Variants in PLPPR1 observed in about 807,000 individuals in gnomAD.
PLPPR1 encodes the protein phospholipid phosphatase-related protein type 1.
PLPPR1 carries 10 observed loss-of-function variants against 33.1 expected under a neutral mutation model. The ratio of observed to expected loss-of-function variants is 0.30; its 90% CI spans 0.19 to 0.51. The LOEUF is 0.51. Ranked by LOEUF, PLPPR1 falls within the 20% of genes least tolerant of loss-of-function variation. The probability of loss-of-function intolerance (pLI) is 0.97; values close to 1 mark genes in which losing one functional copy is unlikely to be tolerated. For synonymous variants in PLPPR1, 151 were observed against 151.0 expected, an observed-to-expected ratio of 1.00 and a Z score of 0.00; for missense variants, 304 against 408.1, an observed-to-expected ratio of 0.74 and a Z score of 2.20.
At chr9:101,113,789 T>G (rs1284853291) in intron 1 of PLPPR1, among the ~76,000 whole-genome samples, 2 of 152,116 alleles carry the variant, frequency 1.3e-5, no homozygotes, top group African/African-American at 2.4e-5. Flanking sequence ...AAGAAAACTT[T>G]TAAAAAAGCA....
chr9:101,212,868 G>A (rs1340224888), intron 2 of PLPPR1, among the ~76,000 whole-genome samples: 1 of 152,160 alleles, frequency 6.6e-6, no homozygotes, highest in African/African-American at 2.4e-5. Flanking sequence ...GTAATAGCTT[G>A]TTGAGTATTT....
At chr9:101,197,329 T>A (rs1046189166) in intron 2 of PLPPR1, among the ~76,000 whole-genome samples, 1 of 152,190 alleles carries the variant, frequency 6.6e-6, no homozygotes, top group African/African-American at 2.4e-5. Flanking sequence ...GAAGCCCTGC[T>A]CCCAAACTTG....
In PLPPR1 at chr9:101,165,567, AAG is replaced by A. The variant is rs1825841991; in HGVS notation, c.-45-19879_-45-19878del. 1.3e-5 allele frequency among the ~76,000 whole-genome samples: 2 copies of A among 152,216 alleles called. 1 individual carries two copies. The highest frequency in any genetic ancestry group is 4.1e-4 in the South Asian group (2 of 4,834). On this transcript the variant is annotated intron_variant, in intron 1 of 7. Transcript: ENST00000374874. ...TTTTCTTGCAGCATGGTATTTTTAA[AAG>A]AGATATTTAAAGGCAATTCTCAATA...
chr9:101,029,526 T>C (rs1255874758), intron 1 of PLPPR1, among the ~76,000 whole-genome samples: 1 of 151,844 alleles, frequency 6.6e-6, no homozygotes, highest in Admixed American at 6.6e-5. Context: ...CGGGCGGGGG[T>C]TGAGATTTCT....
intron 1 of PLPPR1, among the ~76,000 whole-genome samples, chr9:101,091,627 T>C (rs1484577326): frequency 6.6e-6 from 1 of 152,208 alleles, no homozygotes; most frequent in African/African-American, 2.4e-5. Context: ...AATCTCTATA[T>C]TTAAGGTCAT....
rs1828348645 is a variant in PLPPR1 at position 101,284,106 on chromosome 9, A to G, written c.253-1998A>G. The stretch of plus-strand genomic sequence containing the variant: ...AAAATTAAAAATAGAATTGCCATTG[A>G]TCTAGTAGCAATCTATATACCACTA... On this transcript the variant is annotated intron_variant, in intron 3 of 7. Coordinates refer to ENST00000374874, the MANE Select transcript of PLPPR1 (RefSeq NM_207299.2). Among the ~76,000 whole-genome samples the G allele has an allele frequency of 2.0e-5, 3 of 152,094 alleles. No homozygotes were observed. In the South Asian group the frequency reaches 6.2e-4, roughly 32 times the overall value.
chr9:101,101,922 T>A (rs1588028402), intron 1 of PLPPR1, among the ~76,000 whole-genome samples: 2 of 152,212 alleles, frequency 1.3e-5, no homozygotes, highest in Admixed American at 1.3e-4. Flanking sequence ...AAAGAGTACT[T>A]GCAAATACAA....
At chr9:101,137,860 T>C (rs1831396409) in intron 1 of PLPPR1, among the ~76,000 whole-genome samples, 1 of 152,234 alleles carries the variant, frequency 6.6e-6, no homozygotes. Flanking sequence ...GACTGTACTG[T>C]CATACCCACT....
rs2118863582 is a variant in PLPPR1 at position 101,249,879 on chromosome 9, A to G, written c.64-20001A>G. Among the ~76,000 whole-genome samples the G allele has an allele frequency of 2.0e-5, 3 of 152,206 alleles. 1 individual carries two copies. The East Asian group carries it at 5.8e-4, about 30-fold the overall frequency. On this transcript the variant is annotated intron_variant, in intron 2 of 7. Transcript: ENST00000374874. The stretch of plus-strand genomic sequence containing the variant: ...CACATCTCTTCTCATCTCTTGCTGG[A>G]CAATGGGCACAGCTGTATTTGAGGG...
chr9:101,188,940 T>C (rs1476616935), intron 2 of PLPPR1, among the ~76,000 whole-genome samples: 1 of 152,108 alleles, frequency 6.6e-6, no homozygotes, highest in African/African-American at 2.4e-5. Flanking sequence ...TATTCATCAG[T>C]TTCTTTGCTT....
chr9:101,034,300 C>T (rs1829983722), intron 1 of PLPPR1, among the ~76,000 whole-genome samples: 1 of 152,098 alleles, frequency 6.6e-6, no homozygotes, highest in African/African-American at 2.4e-5. Context: ...ACAGATACAG[C>T]AGATGCTCTT....
intron 1 of PLPPR1, among the ~76,000 whole-genome samples, chr9:101,175,385 G>T (rs1826003104): frequency 6.6e-6 from 1 of 152,008 alleles, no homozygotes; most frequent in African/African-American, 2.4e-5. Context: ...CTACCTAAAA[G>T]TTAACTTTTC....
chr9:101,226,674 C>T (rs1455987396), intron 2 of PLPPR1, among the ~76,000 whole-genome samples: 1 of 152,096 alleles, frequency 6.6e-6, no homozygotes, highest in Non-Finnish European at 1.5e-5. Context: ...GACCTAATCA[C>T]CTCCCAAAGA....
At chr9:101,259,464 C>G (rs1827857920) in intron 2 of PLPPR1, among the ~76,000 whole-genome samples, 1 of 152,110 alleles carries the variant, frequency 6.6e-6, no homozygotes, top group Non-Finnish European at 1.5e-5. Context: ...GCATAAACAA[C>G]CATATAGCTT....
chr9:101,100,928 G>A (rs755077823), intron 1 of PLPPR1, among the ~76,000 whole-genome samples: 1 of 152,108 alleles, frequency 6.6e-6, no homozygotes, highest in Non-Finnish European at 1.5e-5. Context: ...AGAATCAAAT[G>A]TGAATGCAGA....
intron 1 of PLPPR1, among the ~76,000 whole-genome samples, chr9:101,085,966 G>A (rs562695401): frequency 1.4e-4 from 21 of 152,226 alleles, no homozygotes; most frequent in Non-Finnish European, 2.4e-4. Flanking sequence ...TCATCATTAT[G>A]TATGAGGTTA....
chr9:101,305,203 AAGTG>A (rs1437750757), intron 4 of PLPPR1, among the ~76,000 whole-genome samples: 2 of 149,814 alleles, frequency 1.3e-5, no homozygotes, highest in African/African-American at 5.0e-5. Flanking sequence ...CATGAGGTAA[AAGTG>A]TGTGTGTGTG....
chr9:101,184,422 C>T (rs2118715201), intron 1 of PLPPR1, among the ~76,000 whole-genome samples: 1 of 151,934 alleles, frequency 6.6e-6, no homozygotes, highest in East Asian at 1.9e-4. Context: ...AATGTCTGAC[C>T]TTTTAAAAAG....
At chr9:101,279,088 T>C (rs1828249961) in intron 3 of PLPPR1, among the ~76,000 whole-genome samples, 2 of 152,034 alleles carry the variant, frequency 1.3e-5, no homozygotes, top group South Asian at 2.1e-4. Context: ...TAACTGACCA[T>C]AAAGAAATAG....
Sources: gnomAD v4.1 joint callset for allele counts (sites outside exome capture counted in the v4.1 genomes callset) on GRCh38, gnomAD v4.1.1 for gene constraint, MANE v1.5 for transcripts, NCBI Gene and HGNC (gene_info 2026-07-23, HGNC 2026-07-21) for gene names.